ZNF766: variants seen among roughly 807,000 people sequenced by gnomAD.
The protein encoded by ZNF766 is zinc finger protein 766.
ZNF766 carries 13 observed loss-of-function variants against 13.2 expected under a neutral mutation model. The observed-to-expected ratio is 0.98, with a 90% CI of 0.64 to 1.56. The LOEUF is 1.56. Among genes scored for constraint, ZNF766 ranks in the 40% most tolerant of loss-of-function variants. ZNF766 has a pLI of 0.00. For missense variants in ZNF766, 521 were observed against 552.2 expected (o/e 0.94, Z 0.57); for synonymous variants, 178 against 187.6 (o/e 0.95, Z 0.42).
intron 1 of ZNF766, among the ~76,000 whole-genome samples, chr19:52,280,929 G>A (rs1042286597): frequency 2.0e-5 from 3 of 151,106 alleles, no homozygotes; most frequent in Non-Finnish European, 3.0e-5. Context: ...AGGCCTAGGC[G>A]GGTGGATCAC....
intron 3 of ZNF766, chr19:52,284,744 C>G (rs1314572288): frequency 1.3e-5 from 2 of 151,948 alleles, no homozygotes; most frequent in Non-Finnish European, 2.9e-5. Flanking sequence ...TGTTTGGTTA[C>G]TTTGCTAGGG....
At position 52,290,822 on chromosome 19, in the gene ZNF766, C is replaced by T. The variant is rs201225403; in HGVS notation, c.1031C>T (p.Thr344Ile). ...KEFSGHSSLT[T>I]HLLIHTGEKP... ...TTTAGTGGGCATTCAAGCCTCACCA[C>T]CCATCTGTTAATCCACACTGGAGAG... Residue 344 changes from threonine (T) to isoleucine (I), a missense_variant, in exon 4 of 4, where the codon ACC becomes ATC. By Grantham distance (89) the Thr-to-Ile change is moderately conservative. Transcript: ENST00000439461. 4.3e-4 allele frequency: 689 copies of T among 1,613,826 alleles called. No homozygotes were observed. Among genetic ancestry groups the T allele is most frequent in the Non-Finnish European group, 5.5e-4 (645 of 1,179,924 alleles).
rs774399263 is a variant in ZNF766, at chr19:52,290,948, A to C, written c.1157A>C (p.His386Pro). Residue 386 changes from histidine (H) to proline (P), a missense_variant, in exon 4 of 4, where the codon CAT (histidine) becomes CCT (proline). Physicochemically the swap from His to Pro is moderately conservative, Grantham distance 77. Transcript: ENST00000439461. ...AATGGAGAGAAACCTTATAAATGTC[A>C]TGAATGTGGCAAAGTCTTCACTCAA... ...NHNGEKPYKC[H>P]ECGKVFTQVS... 3 of 1,614,194 alleles carry C rather than the reference A, an allele frequency of 1.9e-6. No individual in the cohort carries two copies. The East Asian group carries it at 6.7e-5, about 36-fold the overall frequency.
chr19:52,272,220 C>T (rs1981009334), intron 1 of ZNF766, among the ~76,000 whole-genome samples: 1 of 152,038 alleles, frequency 6.6e-6, no homozygotes, highest in African/African-American at 2.4e-5. Context: ...TCCTTTGATC[C>T]TTTTTTCCCA....
At chr19:52,285,614 C>G (rs1337590838) in intron 3 of ZNF766, among the ~76,000 whole-genome samples, 1 of 152,232 alleles carries the variant, frequency 6.6e-6, no homozygotes, top group Non-Finnish European at 1.5e-5. Flanking sequence ...GGGCGTGCCA[C>G]TCTCCAGGAA....
Position 52,283,388 on chromosome 19 carries a change from G to A in ZNF766, c.249G>A (p.Trp83Ter), listed in dbSNP as rs1250388413. The A allele has an allele frequency of 6.2e-7, 1 of 1,606,602 alleles. No individual in the cohort carries two copies. The highest frequency in any genetic ancestry group is 1.1e-5 in the South Asian group (1 of 90,374). Residue 83 changes from tryptophan (W) to a stop codon, truncating the protein, a stop_gained, in exon 3 of 4, where the codon TGG (tryptophan) becomes TGA (stop). Coordinates refer to ENST00000439461, the MANE Select transcript of ZNF766 (RefSeq NM_001010851.3). LOFTEE classifies it low-confidence loss of function (END_TRUNC). Reference sequence around the variant, plus strand: ...AAGTAGCAAAAAATCCAGATAGGTGGGAAGGTATCAAAGATATCAACACAG... The same window carrying A: ...AAGTAGCAAAAAATCCAGATAGGTGAGAAGGTATCAAAGATATCAACACAG... Reference protein sequence around the residue: ...EMKVAKNPDRWEGIKDINTGR... With the variant: ...EMKVAKNPDR
rs372710390 is a variant in ZNF766, at chr19:52,290,252, C to T, written c.461C>T (p.Ser154Phe). 54 of 1,613,790 alleles carry T rather than the reference C, an allele frequency of 3.3e-5. 1 individual carries two copies. The highest frequency in any genetic ancestry group is 4.4e-5 in the Non-Finnish European group (52 of 1,179,870). Reference protein sequence around the residue: ...SSVSPLQRIYSGVKTHIFNKH... With the variant: ...SSVSPLQRIYFGVKTHIFNKH... ...GTTTCGCCACTTCAAAGAATTTACT[C>T]TGGGGTCAAAACCCACATATTTAAT... is the stretch of plus-strand genomic sequence containing the variant. Residue 154 changes from serine to phenylalanine, a missense_variant, in exon 4 of 4, where the codon TCT (serine) becomes TTT (phenylalanine). Coordinates refer to ENST00000439461, the MANE Select transcript of ZNF766 (RefSeq NM_001010851.3).
chr19:52,273,152 G>A lies in ZNF766; in HGVS notation c.18+3521G>A, dbSNP rs749635837. On this transcript the variant is annotated intron_variant, in intron 1 of 3. Transcript: ENST00000439461. ...GCCTCCCAAGTAGCTGGGACTACAG[G>A]CGTGCACCATCACGCCCAACTAATT... 2.0e-5 allele frequency among the ~76,000 whole-genome samples: 3 copies of A among 152,028 alleles called. No homozygotes were observed. In the South Asian group the frequency reaches 6.2e-4, roughly 32 times the overall value.
At chr19:52,281,977 T>A (rs960450193) in intron 1 of ZNF766, 134 bp from the exon 2 acceptor site, 18 of 1,068,276 alleles carry the variant, frequency 1.7e-5, no homozygotes, top group Non-Finnish European at 2.3e-5. Context: ...AGCTCAAAAA[T>A]ACCTTAATGT....
intron 3 of ZNF766, chr19:52,287,918 G>T: frequency 5.2e-6 from 2 of 381,804 alleles, no homozygotes; most frequent in South Asian, 3.8e-5. Flanking sequence ...CTTACCCAAA[G>T]AGTGAACTCT....
At chr19:52,290,037 C>A in intron 3 of ZNF766, 29 bp from the exon 4 acceptor site, 1 of 1,557,418 alleles carries the variant, frequency 6.4e-7, no homozygotes, top group African/African-American at 1.4e-5. Flanking sequence ...ACCATGGGTT[C>A]AAATTATACT....
rs1367201744 is a variant in ZNF766 at position 52,293,926 on chromosome 19, A to G, written c.*2728A>G. The G allele has an allele frequency of 6.6e-6, 1 of 152,186 alleles. No homozygotes were observed. Among genetic ancestry groups the G allele is most frequent in the East Asian group, 1.9e-4 (1 of 5,190 alleles). 9.4% of individuals were successfully genotyped at this position (152,186 alleles called of 1,614,324 possible). ...AGGCATGAGCCACCACACTTGGCCT[A>G]CCTCTCTACTCTGCCCTAAGATGCT... On this transcript the variant is annotated 3_prime_UTR_variant, in exon 4 of 4. Transcript: ENST00000439461.
chr19:52,270,548 G>A (rs932828486), intron 1 of ZNF766, among the ~76,000 whole-genome samples: 2 of 152,014 alleles, frequency 1.3e-5, no homozygotes, highest in East Asian at 3.9e-4. Flanking sequence ...ACCGAGCAGC[G>A]TGGTGCTGGC....
At position 52,291,340 on chromosome 19, in the gene ZNF766, G is replaced by A. The variant is rs1982136274; in HGVS notation, c.*142G>A. ...ACTAGACATCGAAACATTCATCTTT[G>A]GTGAAACCACACAAATGGATTGTGT... is the stretch of plus-strand genomic sequence containing the variant. On this transcript the variant is annotated 3_prime_UTR_variant, in exon 4 of 4. Transcript: ENST00000439461. 1.2e-6 allele frequency: 1 copy of A among 829,350 alleles called. No homozygotes were observed. The highest frequency in any genetic ancestry group is 3.0e-5 in the Admixed American group (1 of 33,166). 51.4% of individuals were successfully genotyped at this position (829,350 alleles called of 1,614,324 possible). A position where few individuals can be genotyped will look rare whatever the true frequency, so the allele number is the denominator to read the frequency against.
intron 1 of ZNF766, among the ~76,000 whole-genome samples, chr19:52,272,102 G>T (rs375937580): frequency 6.0e-5 from 9 of 151,054 alleles, no homozygotes; most frequent in Non-Finnish European, 8.8e-5. Flanking sequence ...CCTCTTCAAC[G>T]CTCCATTTGA....
In ZNF766 at chr19:52,283,366, T is replaced by G; in HGVS notation, c.227T>G (p.Val76Gly). Residue 76 changes from valine (V) to glycine (G), a missense_variant, in exon 3 of 4, where the codon GTA becomes GGA. Physicochemically the swap from Val to Gly is moderately radical, Grantham distance 109 (BLOSUM62 -3). Transcript: ENST00000439461. The stretch of plus-strand genomic sequence containing the variant: ...TGGACTGTGGAGAATGAAATGAAAG[T>G]AGCAAAAAATCCAGATAGGTGGGAA... ...EPWTVENEMK[V>G]AKNPDRWEGI... 1.2e-6 allele frequency: 2 copies of G among 1,611,782 alleles called. No homozygotes were observed. The highest frequency in any genetic ancestry group is 1.7e-6 in the Non-Finnish European group (2 of 1,178,910).
At chr19:52,283,241 TTG>T in intron 2 of ZNF766, 42 bp from the exon 3 acceptor site, 1 of 1,585,254 alleles carries the variant, frequency 6.3e-7, no homozygotes, top group Non-Finnish European at 8.6e-7. Context: ...GGCTTGGATT[TTG>T]GAGACATCAC....
Position 52,290,543 on chromosome 19 carries a change from T to C in ZNF766, c.752T>C (p.Leu251Pro). 3 of 1,613,938 alleles carry C rather than the reference T, an allele frequency of 1.9e-6. No homozygotes were observed. The highest frequency in any genetic ancestry group is 2.5e-6 in the Non-Finnish European group (3 of 1,179,966). The part of the protein sequence containing the change: ...KPYKCKECGK[L>P]FNRIAYLARH... ...TACAAATGTAAAGAGTGTGGCAAGC[T>C]CTTCAATCGAATTGCATACCTTGCA... Residue 251 changes from leucine (L) to proline (P), a missense_variant, in exon 4 of 4, where the codon CTC becomes CCC. Physicochemically the swap from Leu to Pro is moderately conservative, Grantham distance 98 (BLOSUM62 -3). Coordinates refer to ENST00000439461, the MANE Select transcript of ZNF766 (RefSeq NM_001010851.3).
At chr19:52,270,820 G>A (rs976813671) in intron 1 of ZNF766, among the ~76,000 whole-genome samples, 6 of 151,222 alleles carry the variant, frequency 4.0e-5, no homozygotes, top group Admixed American at 2.0e-4. Flanking sequence ...AAGAAGGGGA[G>A]AAACTGCGGG....
Sources: gnomAD v4.1 joint callset for allele counts (sites outside exome capture counted in the v4.1 genomes callset) on GRCh38, gnomAD v4.1.1 for gene constraint, MANE v1.5 for transcripts, NCBI Gene and HGNC (gene_info 2026-07-23, HGNC 2026-07-21) for gene names.